The following MAML3 variants were observed in gnomAD, a reference collection of about 807,000 sequenced individuals.
MAML3 encodes mastermind-like protein 3.
Under a neutral mutation model 101.9 loss-of-function variants are expected in MAML3, and 27 were observed. The observed-to-expected ratio is 0.27, with a 90% confidence interval of 0.20 to 0.37. MAML3 has a LOEUF of 0.37. MAML3 is among the 10% of genes least tolerant of loss of function. MAML3 has a pLI of 1.00. For missense variants in MAML3, 1,316 were observed against 1,444.9 expected, an observed-to-expected ratio of 0.91 and a Z score of 1.45; for synonymous variants, 501 against 555.9, an observed-to-expected ratio of 0.90 and a Z score of 1.39.
chr4:139,851,500 A>G (rs1227489708), intron 2 of MAML3, among the ~76,000 whole-genome samples: 1 of 152,268 alleles, frequency 6.6e-6, no homozygotes, highest in African/African-American at 2.4e-5. Context: ...CTTAGAATGT[A>G]GAATGTCTTT....
chr4:140,044,403 G>A (rs571082866), intron 1 of MAML3, among the ~76,000 whole-genome samples: 17 of 152,314 alleles, frequency 1.1e-4, no homozygotes, highest in African/African-American at 2.4e-4. Context: ...TATGACAATC[G>A]TTCATTGAAA....
intron 1 of MAML3, among the ~76,000 whole-genome samples, chr4:139,936,358 G>A (rs1432100921): frequency 6.6e-5 from 10 of 152,170 alleles, no homozygotes; most frequent in Non-Finnish European, 1.2e-4. Flanking sequence ...TAACACAGGA[G>A]TGCAAACATC....
intron 2 of MAML3, among the ~76,000 whole-genome samples, chr4:139,810,855 C>T (rs1009204490): frequency 1.3e-5 from 2 of 152,160 alleles, no homozygotes; most frequent in Non-Finnish European, 2.9e-5. Context: ...TTCCTGCCTC[C>T]CTTGCAGCTA....
At chr4:140,144,457 G>A (rs1729024045) in intron 1 of MAML3, among the ~76,000 whole-genome samples, 1 of 151,508 alleles carries the variant, frequency 6.6e-6, no homozygotes, top group African/African-American at 2.4e-5. Flanking sequence ...CTGAGGCAGG[G>A]GAATTGCTTG....
chr4:139,726,033 C>T (rs977993903), intron 3 of MAML3, among the ~76,000 whole-genome samples, 198 bp from the exon 4 acceptor site: 5 of 152,234 alleles, frequency 3.3e-5, no homozygotes, highest in African/African-American at 1.2e-4. Flanking sequence ...ACACTCAGGG[C>T]CACCAGCCCC....
chr4:139,750,599 C>G (rs1729471734), intron 2 of MAML3, among the ~76,000 whole-genome samples: 1 of 152,200 alleles, frequency 6.6e-6, no homozygotes, highest in Non-Finnish European at 1.5e-5. Context: ...GGAATTCACT[C>G]CTCCATTGTT....
At chr4:140,149,765 G>A (rs1290300771) in intron 1 of MAML3, among the ~76,000 whole-genome samples, 1 of 152,142 alleles carries the variant, frequency 6.6e-6, no homozygotes, top group Non-Finnish European at 1.5e-5. Context: ...CCTCACTGGA[G>A]TACAACTATA....
At chr4:139,841,689 C>T (rs149848759) in intron 2 of MAML3, among the ~76,000 whole-genome samples, 22 of 152,330 alleles carry the variant, frequency 1.4e-4, no homozygotes, top group African/African-American at 5.1e-4. Context: ...AATGAGCATC[C>T]TATCGCTGGT....
intron 3 of MAML3, among the ~76,000 whole-genome samples, chr4:139,728,669 C>G (rs1728575688): frequency 6.6e-6 from 1 of 152,196 alleles, no homozygotes; most frequent in Admixed American, 6.5e-5. Flanking sequence ...TCCCATTTCC[C>G]TTGTCTTTCC....
intron 1 of MAML3, among the ~76,000 whole-genome samples, chr4:140,030,522 C>T (rs1726891140): frequency 6.6e-6 from 1 of 152,360 alleles, no homozygotes; most frequent in South Asian, 2.1e-4. Context: ...CACCTCCATC[C>T]ACCTCCTCCC....
rs575705356 is a variant in MAML3, at chr4:139,758,376, T to A, written c.2080-27709A>T. Among the ~76,000 whole-genome samples, 14 of 152,334 alleles carry A rather than the reference T, an allele frequency of 9.2e-5. No homozygotes were observed. The South Asian group carries it at 2.7e-3, about 29-fold the overall frequency. On this transcript the variant is annotated intron_variant, in intron 2 of 4. Coordinates refer to ENST00000509479, the MANE Select transcript of MAML3 (RefSeq NM_018717.5). ...CCAAGGAGTCACGGTAGAATCTGAA[T>A]ATATCTTTTAACTTTTTTTTGTTAA...
chr4:139,902,263 G>GCGCA (rs1182551411), intron 1 of MAML3, among the ~76,000 whole-genome samples: 2,000 of 63,934 alleles, frequency 0.031, 50 homozygotes, highest in African/African-American at 0.056. Flanking sequence ...GCACACACAC[G>GCGCA]CACACACACA....
intron 1 of MAML3, among the ~76,000 whole-genome samples, chr4:139,929,210 C>T (rs1484428596): frequency 6.6e-6 from 1 of 152,178 alleles, no homozygotes; most frequent in East Asian, 1.9e-4. Flanking sequence ...AAAAATTAGA[C>T]TTTATATCAA....
intron 1 of MAML3, 31 bp downstream of exon 1, chr4:140,152,829 C>T (rs1224752691): frequency 1.3e-6 from 2 of 1,589,960 alleles, no homozygotes; most frequent in African/African-American, 1.3e-5. Context: ...CCCCAACGCG[C>T]GCCGCAAGCC....
intron 2 of MAML3, among the ~76,000 whole-genome samples, chr4:139,887,135 C>A (rs1254389197): frequency 1.3e-5 from 2 of 152,062 alleles, no homozygotes; most frequent in African/African-American, 4.8e-5. Flanking sequence ...GGAATGTACC[C>A]GCATATAATG....
At chr4:139,814,363 T>C (rs1209753688) in intron 2 of MAML3, among the ~76,000 whole-genome samples, 3 of 152,156 alleles carry the variant, frequency 2.0e-5, no homozygotes, top group Non-Finnish European at 4.4e-5. Flanking sequence ...GATCTCAAGT[T>C]ATGTAACTAC....
chr4:139,721,075 C>T (rs1728213580), intron 4 of MAML3, among the ~76,000 whole-genome samples: 2 of 152,196 alleles, frequency 1.3e-5, no homozygotes, highest in Admixed American at 1.3e-4. Flanking sequence ...AATCATCCTG[C>T]TACGTGCGAC....
intron 1 of MAML3, among the ~76,000 whole-genome samples, chr4:140,031,236 GATTTAAATAT>G (rs1264529861): frequency 1.3e-5 from 2 of 152,192 alleles, no homozygotes; most frequent in Non-Finnish European, 2.9e-5. Flanking sequence ...CTCATTCTAT[GATTTAAATAT>G]TTATTCTTCA....
intron 1 of MAML3, among the ~76,000 whole-genome samples, chr4:140,104,730 C>T (rs1030257735): frequency 8.0e-4 from 121 of 151,506 alleles, no homozygotes; most frequent in Non-Finnish European, 1.3e-3. Context: ...TGAGCTCAAG[C>T]GATCACCCGC....
Sources: gnomAD v4.1 joint callset for allele counts (sites outside exome capture counted in the v4.1 genomes callset) on GRCh38, gnomAD v4.1.1 for gene constraint, MANE v1.5 for transcripts, NCBI Gene and HGNC (gene_info 2026-07-23, HGNC 2026-07-21) for gene names.